SV2B: variants seen among roughly 807,000 people sequenced by gnomAD.
The protein encoded by SV2B is solute carrier family 22 member B2.
SV2B carries 41 observed loss-of-function variants against 73.9 expected under a neutral mutation model. The observed-to-expected ratio is 0.56, with a 90% confidence interval of 0.43 to 0.72. SV2B has a LOEUF of 0.72. Ranked by LOEUF, SV2B falls within the 30% of genes least tolerant of loss-of-function variation. SV2B has a pLI of 0.00. For synonymous variants in SV2B, 314 were observed against 314.2 expected (o/e 1.00, Z 0.01); for missense variants, 764 against 857.8 (o/e 0.89, Z 1.37).
Position 91,289,162 on chromosome 15 carries a change from C to T in SV2B, c.1709-359C>T, listed in dbSNP as rs114705490. 0.01 allele frequency among the ~76,000 whole-genome samples: 1,572 copies of T among 152,166 alleles called. 17 individuals are homozygous for T. Among genetic ancestry groups the T allele is most frequent in the African/African-American group, 0.033 (1,378 of 41,518 alleles). ...TGAGGTTTTTGTTTTTGTTTTTTGG[C>T]CAATACTGATGTAGCTCAAGCACCT... On this transcript the variant is annotated intron_variant, in intron 11 of 12. Coordinates refer to ENST00000394232, the MANE Select transcript of SV2B (RefSeq NM_001323032.3). This position sits in a 1 kb window ranked among gnomAD's most constrained non-coding sequence, Gnocchi z 4.9.
chr15:91,266,558 C>T, intron 6 of SV2B, 24 bp from the exon 7 acceptor site: 2 of 1,578,482 alleles, frequency 1.3e-6, no homozygotes, highest in Non-Finnish European at 1.7e-6. Context: ...TTCAAATTCT[C>T]TATATCCTAT....
intron 1 of SV2B, among the ~76,000 whole-genome samples, chr15:91,108,443 A>T (rs892535176): frequency 6.6e-6 from 1 of 152,252 alleles, no homozygotes; most frequent in Non-Finnish European, 1.5e-5. Flanking sequence ...TGTGGCTCCC[A>T]CAGAATCCAC....
chr15:91,182,551 G>T (rs142226517), intron 1 of SV2B, among the ~76,000 whole-genome samples: 1 of 152,144 alleles, frequency 6.6e-6, no homozygotes, highest in Non-Finnish European at 1.5e-5. Flanking sequence ...TTCTCTTGAA[G>T]GCCAGTCAGC....
At chr15:91,205,885 G>T (rs1596580360) in intron 1 of SV2B, among the ~76,000 whole-genome samples, 1 of 152,166 alleles carries the variant, frequency 6.6e-6, no homozygotes, top group Admixed American at 6.6e-5. Flanking sequence ...CAGCAGTCAC[G>T]CACTGGAGGA....
chr15:91,247,232 C>T (rs1049586634), intron 2 of SV2B, among the ~76,000 whole-genome samples: 4 of 152,334 alleles, frequency 2.6e-5, no homozygotes, highest in South Asian at 2.1e-4. Context: ...AGCAGGTCCT[C>T]GGCCAGCATT....
At position 91,140,174 on chromosome 15, in the gene SV2B, C is replaced by T. The variant is rs1432626024; in HGVS notation, c.-392+39811C>T. 6.6e-6 allele frequency among the ~76,000 whole-genome samples: 1 copy of T among 152,172 alleles called. No individual in the cohort carries two copies. Among genetic ancestry groups the T allele is most frequent in the Non-Finnish European group, 1.5e-5 (1 of 68,028 alleles). On this transcript the variant is annotated intron_variant, in intron 1 of 12. Coordinates refer to ENST00000394232, the MANE Select transcript of SV2B (RefSeq NM_001323032.3). The surrounding 1 kb of genome is among the most constrained non-coding windows in gnomAD (Gnocchi z 4.4). ...CAAACATTTCTGAGCTGTTGTCCAT[C>T]CAGCTATTAACAAACATTCCGTGAG...
chr15:91,221,981 T>C (rs1423846329), intron 1 of SV2B, among the ~76,000 whole-genome samples: 1 of 152,220 alleles, frequency 6.6e-6, no homozygotes, highest in African/African-American at 2.4e-5. Flanking sequence ...TCAACTGCTG[T>C]AGGCCACCTG....
At position 91,268,127 on chromosome 15, in the gene SV2B, C is replaced by T. The variant is rs2048168872; in HGVS notation, c.1209-314C>T. On this transcript the variant is annotated intron_variant, in intron 8 of 12. Transcript: ENST00000394232. This position sits in a 1 kb window ranked among gnomAD's most constrained non-coding sequence, Gnocchi z 4.4. ...CAGTGGGGATGTCTTTAGTGTTTCC[C>T]TATTCACTAAGATTCTGGCTGAGAC... Among the ~76,000 whole-genome samples the T allele has an allele frequency of 6.6e-6, 1 of 152,156 alleles. No individual in the cohort carries two copies. Among genetic ancestry groups the T allele is most frequent in the South Asian group, 2.1e-4 (1 of 4,828 alleles).
chr15:91,190,026 A>G (rs1275249227), intron 1 of SV2B, among the ~76,000 whole-genome samples: 1 of 152,132 alleles, frequency 6.6e-6, no homozygotes, highest in African/African-American at 2.4e-5. Context: ...AAATTCCTTG[A>G]TATTTTAAAG....
At chr15:91,120,034 T>G (rs1201695394) in intron 1 of SV2B, among the ~76,000 whole-genome samples, 1 of 152,254 alleles carries the variant, frequency 6.6e-6, no homozygotes, top group Non-Finnish European at 1.5e-5. Context: ...GTTGCAAATA[T>G]TTTCCAAATC....
At chr15:91,131,318 A>G (rs1033100073) in intron 1 of SV2B, among the ~76,000 whole-genome samples, 16 of 151,748 alleles carry the variant, frequency 1.1e-4, no homozygotes, top group Middle Eastern at 6.8e-3. Flanking sequence ...CTCACGGGGA[A>G]TAAAACTAAG....
chr15:91,137,379 C>A lies in SV2B; in HGVS notation c.-392+37016C>A, dbSNP rs2042862620. Among the ~76,000 whole-genome samples the A allele has an allele frequency of 6.6e-6, 1 of 151,836 alleles. No homozygotes were observed. Among genetic ancestry groups the A allele is most frequent in the Non-Finnish European group, 1.5e-5 (1 of 67,986 alleles). On this transcript the variant is annotated intron_variant, in intron 1 of 12. Coordinates refer to ENST00000394232, the MANE Select transcript of SV2B (RefSeq NM_001323032.3). This position sits in a 1 kb window ranked among gnomAD's most constrained non-coding sequence, Gnocchi z 4.9. ...GAGGGTGGCTTCAAAGCGTTTACCACAAAGCTATTATTTATTTTTAACTTA... is the reference window on the plus strand; with the variant it reads ...GAGGGTGGCTTCAAAGCGTTTACCAAAAAGCTATTATTTATTTTTAACTTA...
At position 91,141,656 on chromosome 15, in the gene SV2B, C is replaced by G. The variant is rs2042998639; in HGVS notation, c.-392+41293C>G. ...AATGCTTAGCCTATTGCCTGGCACA[C>G]AGTGAATGCTTAATAAATCATTCAT... On this transcript the variant is annotated intron_variant, in intron 1 of 12. Transcript: ENST00000394232. The surrounding 1 kb of genome is among the most constrained non-coding windows in gnomAD (Gnocchi z 4.6). 6.6e-6 allele frequency among the ~76,000 whole-genome samples: 1 copy of G among 151,992 alleles called. No homozygotes were observed. The highest frequency in any genetic ancestry group is 1.5e-5 in the Non-Finnish European group (1 of 68,036).
At chr15:91,151,827 G>T (rs2043321336) in intron 1 of SV2B, among the ~76,000 whole-genome samples, 1 of 152,120 alleles carries the variant, frequency 6.6e-6, no homozygotes, top group Non-Finnish European at 1.5e-5. Flanking sequence ...GAGTGAGATG[G>T]TTCATTCCTA....
rs770184479 is a variant in SV2B at position 91,253,786 on chromosome 15, A to G, written c.784+1266A>G. Reference sequence around the variant, plus strand: ...TCCGCTCACATTCCAGTGGCCCCCAATCTGTAACATGCCCACACTCTTCTG... The same window carrying G: ...TCCGCTCACATTCCAGTGGCCCCCAGTCTGTAACATGCCCACACTCTTCTG... On this transcript the variant is annotated intron_variant, in intron 4 of 12. Coordinates refer to ENST00000394232, the MANE Select transcript of SV2B (RefSeq NM_001323032.3). This position sits in a 1 kb window ranked among gnomAD's most constrained non-coding sequence, Gnocchi z 5.0. 3.3e-5 allele frequency among the ~76,000 whole-genome samples: 5 copies of G among 152,186 alleles called. No individual in the cohort carries two copies. Among genetic ancestry groups the G allele is most frequent in the East Asian group, 1.9e-4 (1 of 5,186 alleles).
intron 1 of SV2B, among the ~76,000 whole-genome samples, chr15:91,219,406 A>G (rs1180772699): frequency 6.6e-6 from 1 of 152,192 alleles, no homozygotes; most frequent in Non-Finnish European, 1.5e-5. Flanking sequence ...TCATGCAAAT[A>G]GACTCCAGGA....
intron 1 of SV2B, among the ~76,000 whole-genome samples, chr15:91,116,025 G>T (rs2042170109): frequency 2.0e-5 from 3 of 152,116 alleles, no homozygotes; most frequent in Non-Finnish European, 4.4e-5. Context: ...ATATGCTTCA[G>T]AATTTCTAGC....
chr15:91,192,879 GC>G (rs1395425476), intron 1 of SV2B, among the ~76,000 whole-genome samples: 2 of 152,202 alleles, frequency 1.3e-5, no homozygotes, highest in Non-Finnish European at 2.9e-5. Context: ...CACCTGCTGT[GC>G]AGGCTCCTGA....
rs1379565913 is a variant in SV2B at position 91,292,471 on chromosome 15, C to T, written c.1971C>T (p.Ile657=). Residue 657 remains isoleucine (I), a synonymous_variant, in exon 13 of 13, where the codon ATC becomes ATT. Coordinates refer to ENST00000394232, the MANE Select transcript of SV2B (RefSeq NM_001323032.3). ...TTGGGATAACCAAAGTGGTCCCCAT[C>T]CTTCTGGCTGCTGCTTCTCTGGTTG... ...SFVGITKVVP[I]LLAAASLVGG... The T allele has an allele frequency of 6.2e-7, 1 of 1,614,204 alleles. No individual in the cohort carries two copies.
Sources: allele counts gnomAD v4.1 joint callset (sites outside exome capture counted in the v4.1 genomes callset), GRCh38; gene constraint gnomAD v4.1.1; non-coding constraint Gnocchi (gnomAD v3.1); transcripts MANE v1.5; gene names NCBI Gene and HGNC (gene_info 2026-07-23, HGNC 2026-07-21).